Variants in KLHL1 observed in about 807,000 individuals in gnomAD.
The protein encoded by KLHL1 is kelch-like protein 1.
Under a neutral mutation model 77.7 loss-of-function variants are expected in KLHL1, and 47 were observed. That is an observed-to-expected ratio of 0.60 (90% confidence interval 0.48 to 0.77). The LOEUF is 0.77. Ranked by LOEUF, KLHL1 falls within the 30% of genes least tolerant of loss-of-function variation. KLHL1 has a pLI of 0.00. For missense variants in KLHL1, 925 were observed against 910.8 expected, an observed-to-expected ratio of 1.02 and a Z score of -0.20; for synonymous variants, 360 against 325.2, an observed-to-expected ratio of 1.11 and a Z score of -1.15.
intron 5 of KLHL1, among the ~76,000 whole-genome samples, chr13:69,856,964 C>T (rs1035880060): frequency 6.6e-6 from 1 of 151,966 alleles, no homozygotes; most frequent in Non-Finnish European, 1.5e-5. Context: ...ACTTGTCTAC[C>T]GTTCCAACCT....
intron 1 of KLHL1, among the ~76,000 whole-genome samples, chr13:70,062,945 G>A (rs1276855415): frequency 1.3e-5 from 2 of 151,724 alleles, no homozygotes; most frequent in East Asian, 3.9e-4. Flanking sequence ...TCAATTTTTT[G>A]TTTACCTTAA....
At chr13:70,016,246 C>T (rs971358603) in intron 1 of KLHL1, among the ~76,000 whole-genome samples, 1 of 152,232 alleles carries the variant, frequency 6.6e-6, no homozygotes, top group Non-Finnish European at 1.5e-5. Flanking sequence ...ACACCAGCTG[C>T]AGTGAGGGCT....
intron 4 of KLHL1, among the ~76,000 whole-genome samples, chr13:69,930,516 A>G (rs1245614334): frequency 6.6e-6 from 1 of 151,840 alleles, no homozygotes; most frequent in Non-Finnish European, 1.5e-5. Context: ...TTGCTGAATA[A>G]TTAAGAAAAT....
At chr13:70,072,191 A>G (rs766042193) in intron 1 of KLHL1, among the ~76,000 whole-genome samples, 34 of 152,136 alleles carry the variant, frequency 2.2e-4, no homozygotes, top group Non-Finnish European at 4.6e-4. Flanking sequence ...CAAATTTGGT[A>G]ACTTAGATAA....
intron 6 of KLHL1, among the ~76,000 whole-genome samples, chr13:69,819,783 T>C (rs1283349777): frequency 2.6e-5 from 4 of 152,184 alleles, no homozygotes; most frequent in South Asian, 2.1e-4. Flanking sequence ...ACAGCTATCA[T>C]GTATAAGGTG....
chr13:70,034,396 G>T (rs1048306401), intron 1 of KLHL1, among the ~76,000 whole-genome samples: 7 of 152,070 alleles, frequency 4.6e-5, no homozygotes, highest in Admixed American at 4.6e-4. Context: ...AAAAATGAAG[G>T]ATATGAACCT....
chr13:69,878,381 G>C (rs149502697), intron 5 of KLHL1, among the ~76,000 whole-genome samples: 1 of 151,854 alleles, frequency 6.6e-6, no homozygotes, highest in East Asian at 1.9e-4. Context: ...TTCAAATATT[G>C]TTCTCTCACT....
chr13:70,049,090 ATT>A (rs1340678373), intron 1 of KLHL1, among the ~76,000 whole-genome samples: 4 of 152,208 alleles, frequency 2.6e-5, no homozygotes, highest in African/African-American at 9.6e-5. Flanking sequence ...TTAAATGGCA[ATT>A]TATAGTTTAG....
At chr13:69,985,828 T>C (rs892876030) in intron 1 of KLHL1, among the ~76,000 whole-genome samples, 1 of 145,120 alleles carries the variant, frequency 6.9e-6, no homozygotes, top group Non-Finnish European at 1.5e-5. Flanking sequence ...ATTATATATA[T>C]ATCTTATGTG....
intron 4 of KLHL1, chr13:69,895,234 G>T: frequency 1.9e-6 from 1 of 518,988 alleles, no homozygotes; most frequent in Non-Finnish European, 3.8e-6. Flanking sequence ...TTTGCTGGCA[G>T]CATCTGGTCC....
intron 4 of KLHL1, among the ~76,000 whole-genome samples, chr13:69,935,179 C>T (rs1255086240): frequency 1.1e-5 from 1 of 89,764 alleles, no homozygotes; most frequent in African/African-American, 3.6e-5. Context: ...TCCTGTGCCA[C>T]CTACTGGTGA....
intron 4 of KLHL1, among the ~76,000 whole-genome samples, chr13:69,918,024 G>A (rs1882505095): frequency 6.6e-6 from 1 of 152,072 alleles, no homozygotes; most frequent in South Asian, 2.1e-4. Context: ...CCCCACACTT[G>A]CTATTTTGAT....
intron 6 of KLHL1, among the ~76,000 whole-genome samples, chr13:69,809,186 A>G (rs1310329948): frequency 6.6e-6 from 1 of 152,176 alleles, no homozygotes; most frequent in Non-Finnish European, 1.5e-5. Flanking sequence ...AGAGGTAGAC[A>G]TGTAAATGCA....
At chr13:70,033,624 T>C in intron 1 of KLHL1, among the ~76,000 whole-genome samples, 1 of 127,494 alleles carries the variant, frequency 7.8e-6, no homozygotes, top group African/African-American at 3.0e-5. Flanking sequence ...TTTTTTTTTT[T>C]TTTTTTTTTT....
intron 7 of KLHL1, among the ~76,000 whole-genome samples, chr13:69,749,326 A>C (rs1225121431): frequency 8.6e-5 from 13 of 152,024 alleles, no homozygotes; most frequent in Admixed American, 8.5e-4. Flanking sequence ...TAATAGAAAG[A>C]AAAGAAACAT....
intron 1 of KLHL1, among the ~76,000 whole-genome samples, chr13:69,984,383 G>T (rs1033476311): frequency 6.6e-6 from 1 of 152,156 alleles, no homozygotes; most frequent in Admixed American, 6.5e-5. Context: ...GGCCAGGCAT[G>T]TTCAACATGG....
intron 1 of KLHL1, among the ~76,000 whole-genome samples, chr13:70,083,375 T>A (rs1411752943): frequency 1.3e-5 from 2 of 152,216 alleles, no homozygotes; most frequent in African/African-American, 4.8e-5. Context: ...TCTTGCTATG[T>A]TGCCCAAGAT....
chr13:69,905,904 C>T (rs78475459), intron 4 of KLHL1, among the ~76,000 whole-genome samples: 19,178 of 151,890 alleles, frequency 0.13, 1,568 homozygotes, highest in African/African-American at 0.23. Flanking sequence ...GTCAAAGTTT[C>T]GAAAATGTAC....
chr13:69,889,543 T>C (rs1315418285), intron 4 of KLHL1, among the ~76,000 whole-genome samples: 1 of 152,136 alleles, frequency 6.6e-6, no homozygotes, highest in Non-Finnish European at 1.5e-5. Flanking sequence ...TTGAGCTTAA[T>C]GTCTTACTTT....
Sources: gnomAD v4.1 joint callset for allele counts (sites outside exome capture counted in the v4.1 genomes callset) on GRCh38, gnomAD v4.1.1 for gene constraint, MANE v1.5 for transcripts, NCBI Gene and HGNC (gene_info 2026-07-23, HGNC 2026-07-21) for gene names.